The following UBE2H variants were observed in gnomAD, a reference collection of about 807,000 sequenced individuals.
UBE2H encodes the protein ubiquitin conjugating enzyme E2 H.
Under a neutral mutation model 29.0 loss-of-function variants are expected in UBE2H, and 3 were observed. That is an observed-to-expected ratio of 0.10 (90% CI 0.05 to 0.27). UBE2H has a LOEUF of 0.27. Ranked by LOEUF, UBE2H falls within the 10% of genes least tolerant of loss-of-function variation. The pLI, the probability that UBE2H is intolerant of heterozygous loss-of-function variation, is 1.00. For synonymous variants in UBE2H, 69 were observed against 82.9 expected (o/e 0.83, Z 0.91); for missense variants, 68 against 228.2 (o/e 0.30, Z 4.52).
intron 1 of UBE2H, among the ~76,000 whole-genome samples, chr7:129,929,334 A>G (rs1807340520): frequency 6.6e-6 from 1 of 151,614 alleles, no homozygotes; most frequent in South Asian, 2.1e-4. Context: ...AAAAAAAAAA[A>G]GAAGAGTAAC....
chr7:129,886,295 G>A (rs544072290), intron 1 of UBE2H, among the ~76,000 whole-genome samples: 2 of 152,280 alleles, frequency 1.3e-5, no homozygotes, highest in South Asian at 4.1e-4. Context: ...ACTTTTTAAA[G>A]TGCCAGCCAC....
At chr7:129,862,276 C>T (rs1584750377) in intron 3 of UBE2H, among the ~76,000 whole-genome samples, 1 of 152,180 alleles carries the variant, frequency 6.6e-6, no homozygotes, top group South Asian at 2.1e-4. Flanking sequence ...TAAAATCCTG[C>T]CTCTGTGAGA....
intron 1 of UBE2H, among the ~76,000 whole-genome samples, chr7:129,931,858 C>A (rs1257835393): frequency 1.5e-5 from 2 of 132,752 alleles, no homozygotes; most frequent in Non-Finnish European, 1.6e-5. Context: ...TTTTTTGAGA[C>A]GGAGTCCAGC....
intron 1 of UBE2H, among the ~76,000 whole-genome samples, chr7:129,904,789 G>A (rs894987353): frequency 1.3e-5 from 2 of 152,110 alleles, no homozygotes; most frequent in African/African-American, 4.8e-5. Flanking sequence ...AGTTTAGTGG[G>A]GAAATGAACA....
At chr7:129,861,697 G>C (rs1295897888) in intron 3 of UBE2H, among the ~76,000 whole-genome samples, 2 of 152,178 alleles carry the variant, frequency 1.3e-5, no homozygotes, top group Non-Finnish European at 2.9e-5. Flanking sequence ...TTTGAGACCA[G>C]CCTGGCCAAC....
chr7:129,858,783 C>A, intron 4 of UBE2H, 119 bp downstream of exon 4: 1 of 841,698 alleles, frequency 1.2e-6, no homozygotes, highest in East Asian at 2.6e-5. Flanking sequence ...CATGACCATT[C>A]ATACAGTCCT....
At chr7:129,907,963 T>C (rs1054305243) in intron 1 of UBE2H, among the ~76,000 whole-genome samples, 1 of 152,178 alleles carries the variant, frequency 6.6e-6, no homozygotes, top group Non-Finnish European at 1.5e-5. Context: ...ATAACACTAG[T>C]AGCCTGAAAC....
intron 1 of UBE2H, among the ~76,000 whole-genome samples, chr7:129,906,726 T>C (rs1450993820): frequency 6.6e-6 from 1 of 152,180 alleles, no homozygotes; most frequent in Non-Finnish European, 1.5e-5. Flanking sequence ...TACCGTAACA[T>C]GGCTTCCTGG....
chr7:129,935,231 T>A (rs1203650504), intron 1 of UBE2H, among the ~76,000 whole-genome samples: 1 of 151,662 alleles, frequency 6.6e-6, no homozygotes, highest in African/African-American at 2.4e-5. Flanking sequence ...AAGACCAACA[T>A]GGTGAAACCC....
At chr7:129,914,492 C>T (rs1045854702) in intron 1 of UBE2H, among the ~76,000 whole-genome samples, 3 of 152,082 alleles carry the variant, frequency 2.0e-5, no homozygotes, top group East Asian at 1.9e-4. Context: ...AAACAACTCC[C>T]CTCCAGAAAC....
At chr7:129,880,858 C>G (rs1417844076) in intron 2 of UBE2H, 37 bp downstream of exon 2, 1 of 1,554,974 alleles carries the variant, frequency 6.4e-7, no homozygotes, top group Non-Finnish European at 8.8e-7. Context: ...GAGTAAAAGA[C>G]TGTAATAGAA....
At chr7:129,848,852 T>TG (rs397775491) in intron 5 of UBE2H, among the ~76,000 whole-genome samples, 2 of 150,886 alleles carry the variant, frequency 1.3e-5, no homozygotes, top group Non-Finnish European at 3.0e-5. Flanking sequence ...TTTTTTTTTT[T>TG]GGTAAGGCCT....
chr7:129,865,332 A>G (rs978584958), intron 3 of UBE2H, among the ~76,000 whole-genome samples: 2 of 152,172 alleles, frequency 1.3e-5, no homozygotes, highest in African/African-American at 4.8e-5. Flanking sequence ...AGTTGCACAC[A>G]CTTCTGAGTA....
chr7:129,914,906 T>C (rs1449856715), intron 1 of UBE2H, among the ~76,000 whole-genome samples: 1 of 152,204 alleles, frequency 6.6e-6, no homozygotes, highest in African/African-American at 2.4e-5. Flanking sequence ...TGAGTTATTC[T>C]GAGGACTGAG....
chr7:129,864,556 C>CTTTTTTT (rs367930226), intron 3 of UBE2H, among the ~76,000 whole-genome samples: 6 of 130,976 alleles, frequency 4.6e-5, no homozygotes, highest in East Asian at 2.3e-4. Context: ...TCTTTTCTTT[C>CTTTTTTT]TTTTTTTTTT....
chr7:129,929,352 G>A, intron 1 of UBE2H, among the ~76,000 whole-genome samples: 1 of 149,318 alleles, frequency 6.7e-6, no homozygotes, highest in Middle Eastern at 3.5e-3. Flanking sequence ...AACATTTAAT[G>A]CACCATATCC....
At chr7:129,852,627 A>C (rs1035126993) in intron 5 of UBE2H, among the ~76,000 whole-genome samples, 2 of 152,242 alleles carry the variant, frequency 1.3e-5, no homozygotes, top group African/African-American at 4.8e-5. Flanking sequence ...ATAAGAGTAG[A>C]AGTATCTAGT....
chr7:129,930,576 C>G (rs1807368758), intron 1 of UBE2H, among the ~76,000 whole-genome samples: 2 of 151,954 alleles, frequency 1.3e-5, no homozygotes, highest in South Asian at 4.2e-4. Flanking sequence ...CAAGACCAGC[C>G]TGGCCAACAT....
Position 129,839,351 on chromosome 7 carries a change from AAC to A in UBE2H, c.299-18_299-17del. ...TTGGTAAGATCTGAAAAACCAAACA[AAC>A]ATGTCACACATGGGAAATGCAAGTT... On this transcript the variant is annotated splice_polypyrimidine_tract_variant and intron_variant, in intron 5 of 6. Coordinates refer to ENST00000355621, the MANE Select transcript of UBE2H (RefSeq NM_003344.4). 1.2e-6 allele frequency: 2 copies of A among 1,612,160 alleles called. No homozygotes were observed. Among genetic ancestry groups the A allele is most frequent in the South Asian group, 2.2e-5 (2 of 90,616 alleles).
Sources: gnomAD v4.1 joint callset for allele counts (sites outside exome capture counted in the v4.1 genomes callset) on GRCh38, gnomAD v4.1.1 for gene constraint, MANE v1.5 for transcripts, NCBI Gene and HGNC (gene_info 2026-07-23, HGNC 2026-07-21) for gene names.